The following SLC68A1 variants were observed in gnomAD, a reference collection of about 807,000 sequenced individuals.
SLC68A1 encodes major facilitator superfamily domain containing 13A.
At chr10:102,475,456 G>A in the SLC68A1 span, among the ~76,000 whole-genome samples, 1 of 152,138 alleles carries the variant, frequency 6.6e-6, no homozygotes, top group Non-Finnish European at 1.5e-5. Context: ...GGGGGGAGAT[G>A]AAGGATTGGG....
At chr10:102,469,944 G>T in the SLC68A1 span, 1 of 1,598,246 alleles carries the variant, frequency 6.3e-7, no homozygotes, top group Non-Finnish European at 8.5e-7. Flanking sequence ...AGGAGCCCTG[G>T]AGAGGATGCT....
the SLC68A1 span, chr10:102,476,075 GTTTTTT>G: frequency 6.3e-6 from 7 of 1,112,938 alleles, no homozygotes; most frequent in South Asian, 4.7e-5. Flanking sequence ...GGATTTCATA[GTTTTTT>G]TTTTTTTTTT....
chr10:102,473,668 A>T, the SLC68A1 span: 1 of 1,613,936 alleles, frequency 6.2e-7, no homozygotes, highest in African/African-American at 1.3e-5. Flanking sequence ...CTTCCTGCTC[A>T]AGCTGGGACT....
the SLC68A1 span, chr10:102,473,466 G>T: frequency 2.5e-6 from 3 of 1,182,118 alleles, no homozygotes; most frequent in Non-Finnish European, 3.6e-6. Flanking sequence ...ACAGAGCCCA[G>T]TGCATCGCTA....
At chr10:102,470,870 G>A in the SLC68A1 span, 1 of 1,613,172 alleles carries the variant, frequency 6.2e-7, no homozygotes, top group Non-Finnish European at 8.5e-7. Flanking sequence ...GGCCGACCTG[G>A]CCCTCTCAGC....
At chr10:102,476,137 C>T in the SLC68A1 span, 1 of 1,274,678 alleles carries the variant, frequency 7.8e-7, no homozygotes, top group Non-Finnish European at 1.0e-6. Flanking sequence ...GTGGTGCAAT[C>T]TGGGCTCACT....
chr10:102,469,367 T>C, the SLC68A1 span, among the ~76,000 whole-genome samples: 5 of 152,242 alleles, frequency 3.3e-5, no homozygotes, highest in Non-Finnish European at 7.4e-5. Flanking sequence ...CCTTGATGAC[T>C]CCTCCTCGAT....
the SLC68A1 span, chr10:102,472,914 G>C: frequency 6.2e-7 from 1 of 1,614,026 alleles, no homozygotes; most frequent in Non-Finnish European, 8.5e-7. Flanking sequence ...TCTGTTGTCC[G>C]ACCATATCTC....
the SLC68A1 span, chr10:102,473,002 A>G: frequency 7.2e-7 from 1 of 1,390,830 alleles, no homozygotes; most frequent in African/African-American, 1.4e-5. Context: ...AGAGACCTGT[A>G]TTTTTAGTAG....
At chr10:102,471,665 A>T in the SLC68A1 span, among the ~76,000 whole-genome samples, 1 of 152,128 alleles carries the variant, frequency 6.6e-6, no homozygotes, top group African/African-American at 2.4e-5. Context: ...AGGCTGAGGC[A>T]GGAGAATCAC....
At chr10:102,470,737 G>A in the SLC68A1 span, 3 of 1,613,742 alleles carry the variant, frequency 1.9e-6, no homozygotes, top group Admixed American at 1.7e-5. Context: ...ATGGGCCGCT[G>A]CTGGCGCTGT....
chr10:102,469,441 A>G, the SLC68A1 span, among the ~76,000 whole-genome samples: 2 of 152,042 alleles, frequency 1.3e-5, no homozygotes, highest in Non-Finnish European at 2.9e-5. Context: ...ACTCATATAT[A>G]TAATATGTTC....
At chr10:102,470,871 C>T in the SLC68A1 span, 230 of 1,613,074 alleles carry the variant, frequency 1.4e-4, no homozygotes, top group Non-Finnish European at 1.8e-4. Flanking sequence ...GCCGACCTGG[C>T]CCTCTCAGCC....
At chr10:102,473,891 G>A in the SLC68A1 span, 1 of 1,614,120 alleles carries the variant, frequency 6.2e-7, no homozygotes, top group Non-Finnish European at 8.5e-7. Context: ...ACGAGGACCT[G>A]GTGCTGAACC....
At chr10:102,470,121 C>T in the SLC68A1 span, 17 of 1,564,418 alleles carry the variant, frequency 1.1e-5, no homozygotes, top group Admixed American at 8.4e-5. Flanking sequence ...TCCCACCCTA[C>T]TGCTACCCAG....
chr10:102,466,664 T>C, the SLC68A1 span, among the ~76,000 whole-genome samples: 1 of 152,082 alleles, frequency 6.6e-6, no homozygotes, highest in African/African-American at 2.4e-5. Context: ...CCTTTGAGGT[T>C]TTCTTCTACC....
the SLC68A1 span, among the ~76,000 whole-genome samples, chr10:102,468,099 GC>G: frequency 5.9e-5 from 9 of 152,052 alleles, no homozygotes; most frequent in African/African-American, 2.2e-4. Context: ...CAGGGACCAC[GC>G]CCTCCTCTAC....
the SLC68A1 span, chr10:102,469,973 T>TGTCTC: frequency 6.2e-7 from 1 of 1,612,324 alleles, no homozygotes; most frequent in African/African-American, 1.3e-5. Flanking sequence ...CCCACCTTCC[T>TGTCTC]GTCTCCCCTC....
the SLC68A1 span, chr10:102,471,240 C>T: frequency 6.2e-7 from 1 of 1,609,048 alleles, no homozygotes; most frequent in Non-Finnish European, 8.5e-7. Flanking sequence ...CTGGCCAGCC[C>T]CAGGCAGTTC....
Sources: gnomAD v4.1 joint callset for allele counts (sites outside exome capture counted in the v4.1 genomes callset) on GRCh38, gnomAD v4.1.1 for gene constraint, MANE v1.5 for transcripts, NCBI Gene and HGNC (gene_info 2026-07-23, HGNC 2026-07-21) for gene names.